EDIL3: variants seen among roughly 807,000 people sequenced by gnomAD.
EDIL3 encodes the protein EGF-like repeat and discoidin I-like domain-containing protein 3.
EDIL3 carries 37 observed loss-of-function variants against 67.4 expected under a neutral mutation model. The observed-to-expected ratio is 0.55, with a 90% CI of 0.42 to 0.72. The LOEUF is 0.72. Among genes scored for constraint, EDIL3 ranks in the 30% least tolerant of loss-of-function variants. The pLI is 0.00. For synonymous variants in EDIL3, 195 were observed against 196.3 expected, an observed-to-expected ratio of 0.99 and a Z score of 0.05; for missense variants, 527 against 586.3, an observed-to-expected ratio of 0.90 and a Z score of 1.04.
chr5:84,345,458 T>C (rs981301355), intron 1 of EDIL3, among the ~76,000 whole-genome samples: 1 of 152,002 alleles, frequency 6.6e-6, no homozygotes, highest in Non-Finnish European at 1.5e-5. Context: ...AATTTAAGAA[T>C]TGAATTAAAG....
At position 84,212,555 on chromosome 5, in the gene EDIL3, T is replaced by G. The variant is rs1262547421; in HGVS notation, c.226+17300A>C. Reference sequence around the variant, plus strand: ...CTCAGTTACCTACCACAGAAAAACATTCCTAACAGATACACAAGTGAGAAT... The same window carrying G: ...CTCAGTTACCTACCACAGAAAAACAGTCCTAACAGATACACAAGTGAGAAT... On this transcript the variant is annotated intron_variant, in intron 3 of 10. Transcript: ENST00000296591. 2.0e-5 allele frequency among the ~76,000 whole-genome samples: 3 copies of G among 152,132 alleles called. No homozygotes were observed. In the East Asian group the frequency reaches 5.8e-4, roughly 29 times the overall value.
intron 9 of EDIL3, among the ~76,000 whole-genome samples, chr5:83,976,358 G>C (rs2112143787): frequency 6.6e-6 from 1 of 151,894 alleles, no homozygotes; most frequent in East Asian, 1.9e-4. Flanking sequence ...AAGCTTTCAT[G>C]TCAAACAACT....
intron 1 of EDIL3, among the ~76,000 whole-genome samples, chr5:84,365,938 G>T (rs935561199): frequency 2.6e-5 from 4 of 152,076 alleles, no homozygotes; most frequent in African/African-American, 9.7e-5. Context: ...CTCGAGGAAT[G>T]AGGAAACAGG....
At chr5:84,253,939 AC>A in intron 2 of EDIL3, 144 bp downstream of exon 2, 4 of 693,080 alleles carry the variant, frequency 5.8e-6, no homozygotes, top group Non-Finnish European at 8.4e-6. Flanking sequence ...TGGAAATGAT[AC>A]AACTGAGAAT....
intron 1 of EDIL3, among the ~76,000 whole-genome samples, chr5:84,258,226 G>A (rs962377133): frequency 3.9e-5 from 6 of 152,192 alleles, no homozygotes; most frequent in African/African-American, 1.4e-4. Context: ...AGCGTAACAA[G>A]TTTATTGAGA....
intron 10 of EDIL3, among the ~76,000 whole-genome samples, chr5:83,961,364 C>G (rs1166796761): frequency 1.3e-5 from 2 of 150,822 alleles, no homozygotes; most frequent in Non-Finnish European, 3.0e-5. Context: ...CTCTATCAAA[C>G]GACACAAAAA....
intron 9 of EDIL3, among the ~76,000 whole-genome samples, chr5:84,044,624 T>C (rs528958435): frequency 6.6e-6 from 1 of 152,176 alleles, no homozygotes; most frequent in East Asian, 1.9e-4. Context: ...AGTGGAACTA[T>C]CTGAAGAAAG....
chr5:83,945,688 A>G (rs184220695), intron 10 of EDIL3, among the ~76,000 whole-genome samples: 1 of 152,080 alleles, frequency 6.6e-6, no homozygotes, highest in Admixed American at 6.6e-5. Flanking sequence ...CAGAGAAACT[A>G]TATCAGCTCT....
At chr5:84,182,313 A>C (rs1471024720) in intron 3 of EDIL3, among the ~76,000 whole-genome samples, 1 of 151,038 alleles carries the variant, frequency 6.6e-6, no homozygotes, top group Non-Finnish European at 1.5e-5. Flanking sequence ...ACACAAATCC[A>C]GGCATGCTGG....
Position 84,254,161 on chromosome 5 carries a change from C to T in EDIL3, c.119G>A (p.Gly40Glu), listed in dbSNP as rs201433954. 2 of 1,612,784 alleles carry T rather than the reference C, an allele frequency of 1.2e-6. No homozygotes were observed. Among genetic ancestry groups the T allele is most frequent in the Non-Finnish European group, 1.7e-6 (2 of 1,179,340 alleles). Reference protein sequence around the residue: ...PCENGGICLPGLADGSFSCEC... With the variant: ...PCENGGICLPELADGSFSCEC... The stretch of plus-strand genomic sequence containing the variant: ...ACAGGAAAAGGAACCATCAGCCAAT[C>T]CTGGCAAACAGATACCTCCATTTTC... The change falls in exon 2 of 11, where the codon GGA becomes GAA. Residue 40 changes from glycine (G) to glutamate (E), a missense_variant. By Grantham distance (98) the Gly-to-Glu change is moderately conservative. This residue lies in a region of EDIL3 where 494 missense variants were observed against 522.5 expected (regional missense o/e 0.95). Transcript: ENST00000296591.
intron 9 of EDIL3, among the ~76,000 whole-genome samples, chr5:84,004,898 G>C (rs2216561): frequency 1.3e-5 from 2 of 151,712 alleles, no homozygotes; most frequent in African/African-American, 4.8e-5. Context: ...AAATTCAAAA[G>C]TTTGTTGCTT....
intron 1 of EDIL3, among the ~76,000 whole-genome samples, chr5:84,335,503 A>T (rs901900507): frequency 6.6e-6 from 1 of 152,168 alleles, no homozygotes; most frequent in African/African-American, 2.4e-5. Flanking sequence ...GAATGTGTTG[A>T]GTAGCACTAT....
intron 1 of EDIL3, among the ~76,000 whole-genome samples, chr5:84,362,144 T>C (rs1747624523): frequency 6.6e-6 from 1 of 152,130 alleles, no homozygotes. Context: ...TGGTTTCCAT[T>C]TTAACTTTTG....
chr5:84,241,329 C>G (rs2112058479), intron 2 of EDIL3, among the ~76,000 whole-genome samples: 1 of 152,252 alleles, frequency 6.6e-6, no homozygotes, highest in South Asian at 2.1e-4. Context: ...CCACAAAAAG[C>G]TTATTGTTGA....
chr5:84,063,276 A>G (rs1262098061), intron 8 of EDIL3, among the ~76,000 whole-genome samples: 1 of 152,114 alleles, frequency 6.6e-6, no homozygotes, highest in African/African-American at 2.4e-5. Flanking sequence ...TTGCTTTATG[A>G]TAAATGGCTT....
intron 1 of EDIL3, among the ~76,000 whole-genome samples, chr5:84,378,596 A>G (rs1480143283): frequency 6.6e-6 from 1 of 152,230 alleles, no homozygotes; most frequent in East Asian, 1.9e-4. Flanking sequence ...TTTCTATGAT[A>G]CATGATCTAA....
At chr5:84,211,785 TAA>T (rs1164729478) in intron 3 of EDIL3, among the ~76,000 whole-genome samples, 2 of 152,158 alleles carry the variant, frequency 1.3e-5, no homozygotes, top group East Asian at 1.9e-4. Flanking sequence ...CTGTGAGAAT[TAA>T]AAGAGTGTTG....
intron 1 of EDIL3, among the ~76,000 whole-genome samples, chr5:84,368,863 T>A (rs1007378027): frequency 2.6e-5 from 4 of 151,796 alleles, no homozygotes; most frequent in Non-Finnish European, 5.9e-5. Context: ...AATAAACACA[T>A]GAAAAGATGC....
chr5:84,151,519 T>C (rs1748391528), intron 4 of EDIL3, among the ~76,000 whole-genome samples: 6 of 152,198 alleles, frequency 3.9e-5, no homozygotes, highest in Admixed American at 3.9e-4. Context: ...TACTGATTTT[T>C]AAGGTAGTTT....
Sources: gnomAD v4.1 joint callset for allele counts (sites outside exome capture counted in the v4.1 genomes callset) on GRCh38, gnomAD v4.1.1 for gene constraint, gnomAD v4.1.1 regional missense constraint, MANE v1.5 for transcripts, NCBI Gene and HGNC (gene_info 2026-07-23, HGNC 2026-07-21) for gene names.